The following SLC41A2 variants were observed in gnomAD, a reference collection of about 807,000 sequenced individuals.
The protein encoded by SLC41A2 is SLC41A1-like 1.
SLC41A2 carries 32 observed loss-of-function variants against 58.3 expected under a neutral mutation model. The ratio of observed to expected loss-of-function variants is 0.55; its 90% CI spans 0.41 to 0.74. SLC41A2 has a LOEUF of 0.74. Among genes scored for constraint, SLC41A2 ranks in the 30% least tolerant of loss-of-function variants. The pLI is 0.00. For missense variants in SLC41A2, 514 were observed against 680.6 expected, an observed-to-expected ratio of 0.76 and a Z score of 2.72; for synonymous variants, 190 against 235.0, an observed-to-expected ratio of 0.81 and a Z score of 1.75.
intron 10 of SLC41A2, among the ~76,000 whole-genome samples, chr12:104,835,349 T>C (rs1251356272): frequency 6.6e-6 from 1 of 152,234 alleles, no homozygotes; most frequent in Non-Finnish European, 1.5e-5. Flanking sequence ...TAGAATAAAC[T>C]AAACTCTTTA....
At chr12:104,932,076 T>C (rs1299474420) in intron 1 of SLC41A2, among the ~76,000 whole-genome samples, 4 of 152,098 alleles carry the variant, frequency 2.6e-5, no homozygotes, top group Admixed American at 2.6e-4. Context: ...TTGAGGAAAA[T>C]GTGGGCCTTT....
intron 9 of SLC41A2, 92 bp from the exon 10 acceptor site, chr12:104,844,712 T>TTAC (rs1197526487): frequency 5.4e-6 from 3 of 554,606 alleles, no homozygotes; most frequent in Admixed American, 7.4e-5. Context: ...TACTTTCTAG[T>TTAC]TACTATACTT....
At chr12:104,856,117 T>C (rs915564687) in intron 8 of SLC41A2, among the ~76,000 whole-genome samples, 1 of 152,170 alleles carries the variant, frequency 6.6e-6, no homozygotes, top group Non-Finnish European at 1.5e-5. Context: ...CCAAGTGATA[T>C]TGCTGGTCTG....
chr12:104,936,310 A>G (rs889757235), intron 1 of SLC41A2, among the ~76,000 whole-genome samples: 1 of 152,184 alleles, frequency 6.6e-6, no homozygotes, highest in Non-Finnish European at 1.5e-5. Context: ...TTTGTGTGCT[A>G]CTGGCCCAGG....
At chr12:104,905,504 C>G (rs1167351599) in intron 3 of SLC41A2, among the ~76,000 whole-genome samples, 1 of 152,248 alleles carries the variant, frequency 6.6e-6, no homozygotes, top group African/African-American at 2.4e-5. Context: ...GTCCTGCACC[C>G]TGTGCTCGCA....
intron 3 of SLC41A2, among the ~76,000 whole-genome samples, chr12:104,908,242 GCAA>G (rs1322283532): frequency 6.6e-6 from 1 of 152,126 alleles, no homozygotes; most frequent in Non-Finnish European, 1.5e-5. Flanking sequence ...TCCAGTCTGG[GCAA>G]CAACAAGATT....
chr12:104,905,985 G>T (rs983816459), intron 3 of SLC41A2, among the ~76,000 whole-genome samples: 1 of 152,238 alleles, frequency 6.6e-6, no homozygotes, highest in Non-Finnish European at 1.5e-5. Flanking sequence ...GGACTGAAGG[G>T]CTCCTCTAAT....
intron 10 of SLC41A2, among the ~76,000 whole-genome samples, chr12:104,832,124 T>C (rs901633796): frequency 2.0e-5 from 3 of 152,130 alleles, no homozygotes; most frequent in African/African-American, 7.2e-5. Context: ...AAGCAGATGA[T>C]CCATGGGAAT....
chr12:104,844,250 A>G (rs1444257678), intron 10 of SLC41A2, among the ~76,000 whole-genome samples: 2 of 152,216 alleles, frequency 1.3e-5, no homozygotes, highest in Non-Finnish European at 2.9e-5. Flanking sequence ...CCATAGTGAA[A>G]TTATCTGACT....
At chr12:104,828,917 A>G (rs1376268854) in intron 10 of SLC41A2, among the ~76,000 whole-genome samples, 1 of 152,184 alleles carries the variant, frequency 6.6e-6, no homozygotes, top group South Asian at 2.1e-4. Context: ...ATCATCAGTC[A>G]TCAGATAAAT....
At chr12:104,916,684 T>A (rs566802154) in intron 2 of SLC41A2, among the ~76,000 whole-genome samples, 6 of 152,274 alleles carry the variant, frequency 3.9e-5, no homozygotes, top group African/African-American at 9.6e-5. Flanking sequence ...TCTACAACTA[T>A]CTGATCTTTG....
At chr12:104,906,396 G>A (rs902753199) in intron 3 of SLC41A2, among the ~76,000 whole-genome samples, 1 of 152,064 alleles carries the variant, frequency 6.6e-6, no homozygotes, top group Non-Finnish European at 1.5e-5. Context: ...GCTTGGACAT[G>A]GGGCCTGGTG....
chr12:104,899,285 T>A (rs1484594423), intron 3 of SLC41A2, among the ~76,000 whole-genome samples: 1 of 152,220 alleles, frequency 6.6e-6, no homozygotes, highest in Admixed American at 6.5e-5. Context: ...ATTAGAATCA[T>A]TTTTTATTAA....
chr12:104,945,847 G>A (rs1408319162), intron 1 of SLC41A2, among the ~76,000 whole-genome samples: 1 of 152,010 alleles, frequency 6.6e-6, no homozygotes, highest in African/African-American at 2.4e-5. Context: ...ATCTTATATG[G>A]GTTACACACT....
At chr12:104,889,544 G>A (rs182455068) in intron 4 of SLC41A2, among the ~76,000 whole-genome samples, 31 of 152,266 alleles carry the variant, frequency 2.0e-4, no homozygotes, top group African/African-American at 7.0e-4. Context: ...GCAAGAGATT[G>A]GATTTTATAA....
intron 3 of SLC41A2, among the ~76,000 whole-genome samples, chr12:104,897,356 G>A (rs111832152): frequency 7.9e-5 from 12 of 151,956 alleles, no homozygotes; most frequent in African/African-American, 2.9e-4. Context: ...TGTTGGCCAG[G>A]CTGGTCTTGA....
At chr12:104,925,284 C>T (rs1003487329) in intron 2 of SLC41A2, among the ~76,000 whole-genome samples, 1 of 152,170 alleles carries the variant, frequency 6.6e-6, no homozygotes, top group Non-Finnish European at 1.5e-5. Context: ...ATCGGCCAGG[C>T]GCGGTGGCTC....
intron 2 of SLC41A2, among the ~76,000 whole-genome samples, chr12:104,915,265 G>A (rs2046262050): frequency 6.6e-6 from 1 of 151,998 alleles, no homozygotes; most frequent in Admixed American, 6.5e-5. Flanking sequence ...GGTAAAAGAA[G>A]GTTATGCAGT....
At chr12:104,853,911 A>ATTATTATTATTATTTATT in intron 8 of SLC41A2, among the ~76,000 whole-genome samples, 4 of 59,494 alleles carry the variant, frequency 6.7e-5, no homozygotes, top group African/African-American at 1.4e-4. Flanking sequence ...TGCCTGGCTG[A>ATTATTATTATTATTTATT]TTTTTTTTTT....
Sources: allele counts gnomAD v4.1 joint callset (sites outside exome capture counted in the v4.1 genomes callset), GRCh38; gene constraint gnomAD v4.1.1; transcripts MANE v1.5; gene names NCBI Gene and HGNC (gene_info 2026-07-23, HGNC 2026-07-21).